UGT1A10: variants seen among roughly 807,000 people sequenced by gnomAD.
UGT1A10 encodes the protein UDP glucuronosyltransferase family 1 member A10, also known as UDP-glucuronosyltransferase 1A10.
Under a neutral mutation model 45.8 loss-of-function variants are expected in UGT1A10, and 49 were observed. The ratio of observed to expected loss-of-function variants is 1.07; its 90% CI spans 0.85 to 1.36. UGT1A10 has a LOEUF of 1.36. UGT1A10 is among the 40% of genes most tolerant of loss of function. The pLI is 0.00. For synonymous variants in UGT1A10, 284 were observed against 249.7 expected, an observed-to-expected ratio of 1.14 and a Z score of -1.29; for missense variants, 745 against 668.6, an observed-to-expected ratio of 1.11 and a Z score of -1.26.
chr2:233,758,540 T>C (rs145954073), intron 1 of UGT1A10, among the ~76,000 whole-genome samples: 1 of 152,348 alleles, frequency 6.6e-6, no homozygotes, highest in Non-Finnish European at 1.5e-5. Flanking sequence ...GCTATGTCTA[T>C]TCTGCTTGCC....
intron 1 of UGT1A10, chr2:233,694,016 A>T: frequency 2.2e-6 from 3 of 1,386,912 alleles, no homozygotes; most frequent in Non-Finnish European, 2.9e-6. Flanking sequence ...GCGGGAACAC[A>T]TAGGAGACCT....
intron 1 of UGT1A10, among the ~76,000 whole-genome samples, chr2:233,752,797 G>C (rs766471839): frequency 2.6e-5 from 4 of 152,148 alleles, no homozygotes; most frequent in Non-Finnish European, 5.9e-5. Flanking sequence ...TTACACTTCT[G>C]TAGAAGGAAC....
intron 1 of UGT1A10, among the ~76,000 whole-genome samples, chr2:233,746,735 T>A (rs1693464180): frequency 6.6e-6 from 1 of 151,806 alleles, no homozygotes; most frequent in African/African-American, 2.4e-5. Context: ...GGATTCTGCT[T>A]TGGTTCCAAA....
At chr2:233,771,209 T>A (rs1015017621) in intron 4 of UGT1A10, 1 of 152,162 alleles carries the variant, frequency 6.6e-6, no homozygotes. Context: ...TGGACAAATA[T>A]CCAAACTGTA....
At chr2:233,661,847 G>T (rs755232097) in intron 1 of UGT1A10, among the ~76,000 whole-genome samples, 2 of 151,554 alleles carry the variant, frequency 1.3e-5, no homozygotes, top group African/African-American at 2.4e-5. Context: ...GCGACACTTT[G>T]TATGGGTCCT....
At chr2:233,676,642 G>A (rs749352937) in intron 1 of UGT1A10, among the ~76,000 whole-genome samples, 2 of 152,110 alleles carry the variant, frequency 1.3e-5, no homozygotes, top group Non-Finnish European at 2.9e-5. Context: ...GACTCTCCTT[G>A]TTTTTAGTGA....
At chr2:233,681,117 T>C (rs2074510022) in intron 1 of UGT1A10, among the ~76,000 whole-genome samples, 1 of 151,754 alleles carries the variant, frequency 6.6e-6, no homozygotes, top group Admixed American at 6.6e-5. Flanking sequence ...AGCTGTGTAT[T>C]GCAGAGACAC....
intron 1 of UGT1A10, among the ~76,000 whole-genome samples, chr2:233,669,117 C>A (rs879684221): frequency 5.9e-5 from 9 of 152,168 alleles, no homozygotes; most frequent in Non-Finnish European, 1.3e-4. Flanking sequence ...CACAGAATTG[C>A]CTGTGCACCT....
At position 233,719,647 on chromosome 2, in the gene UGT1A10, T is replaced by C. The variant is rs201461954; in HGVS notation, c.856-47387T>C. 6.3e-5 allele frequency: 101 copies of C among 1,614,092 alleles called. No homozygotes were observed. Among genetic ancestry groups the C allele is most frequent in the East Asian group, 2.9e-4 (13 of 44,880 alleles). On this transcript the variant is annotated intron_variant, in intron 1 of 4. Coordinates refer to ENST00000344644, the MANE Select transcript of UGT1A10 (RefSeq NM_019075.4). ...CCGATCATGCCCAACATGGTCTTCATTGGGGGCATCAACTGTGCCAACGGG... is the reference window on the plus strand; with the variant it reads ...CCGATCATGCCCAACATGGTCTTCACTGGGGGCATCAACTGTGCCAACGGG...
Position 233,669,041 on chromosome 2 carries a change from C to T in UGT1A10, c.855+31664C>T, listed in dbSNP as rs147575119. On this transcript the variant is annotated intron_variant, in intron 1 of 4. Transcript: ENST00000344644. The stretch of plus-strand genomic sequence containing the variant: ...TTATAGGTTTTTAGGAGGAAGACCA[C>T]AAGGTAATGTGTTTTCCCGCTTTCT... Among the ~76,000 whole-genome samples, 109 of 152,314 alleles carry T rather than the reference C, an allele frequency of 7.2e-4. 1 individual carries two copies. Among genetic ancestry groups the T allele is most frequent in the Admixed American group, 5.2e-3 (79 of 15,294 alleles).
At chr2:233,672,059 G>C in intron 1 of UGT1A10, 1 of 1,614,170 alleles carries the variant, frequency 6.2e-7, no homozygotes, top group Non-Finnish European at 8.5e-7. Context: ...TTCACCATGA[G>C]GTCGGTGGTG....
chr2:233,638,074 T>A lies in UGT1A10; in HGVS notation c.855+697T>A, dbSNP rs1226645191. Reference sequence around the variant, plus strand: ...ATATATTTCTATATTCTTGCTTTTATCTTAGTAGACTAGAGTCCTACACGT... The same window carrying A: ...ATATATTTCTATATTCTTGCTTTTAACTTAGTAGACTAGAGTCCTACACGT... On this transcript the variant is annotated intron_variant, in intron 1 of 4. Coordinates refer to ENST00000344644, the MANE Select transcript of UGT1A10 (RefSeq NM_019075.4). 3.9e-5 allele frequency among the ~76,000 whole-genome samples: 6 copies of A among 152,318 alleles called. No individual in the cohort carries two copies. The South Asian group carries it at 1.0e-3, about 26-fold the overall frequency.
intron 1 of UGT1A10, among the ~76,000 whole-genome samples, chr2:233,741,259 T>C (rs551312228): frequency 6.6e-6 from 1 of 151,984 alleles, no homozygotes; most frequent in South Asian, 2.1e-4. Flanking sequence ...TGCCACTCTT[T>C]GCTGACCACT....
intron 1 of UGT1A10, chr2:233,713,255 A>G (rs1242833896): frequency 6.2e-7 from 1 of 1,614,152 alleles, no homozygotes; most frequent in Admixed American, 1.7e-5. Flanking sequence ...CCCAGGACGA[A>G]TTTGATCGCC....
intron 1 of UGT1A10, chr2:233,743,631 G>A: frequency 7.3e-7 from 1 of 1,367,310 alleles, no homozygotes; most frequent in South Asian, 1.1e-5. Flanking sequence ...ACGTCGGCTG[G>A]GTCGCGGAAG....
At chr2:233,754,325 C>T (rs537557157) in intron 1 of UGT1A10, 54 of 246,030 alleles carry the variant, frequency 2.2e-4, no homozygotes, top group African/African-American at 1.1e-3. Flanking sequence ...CTGCCTCAGG[C>T]TTAAGTTTAA....
At chr2:233,743,389 C>G (rs1429272187) in intron 1 of UGT1A10, 2 of 1,242,542 alleles carry the variant, frequency 1.6e-6, no homozygotes, top group Non-Finnish European at 2.1e-6. Context: ...GTAGGACATG[C>G]AGAAGGAAGA....
intron 1 of UGT1A10, chr2:233,754,837 T>G (rs1695606156): frequency 1.5e-6 from 2 of 1,344,356 alleles, no homozygotes; most frequent in South Asian, 2.3e-5. Flanking sequence ...GGAAATTCAC[T>G]GAAGGCAGAG....
At chr2:233,756,223 T>G (rs1194154122) in intron 1 of UGT1A10, 1 of 152,204 alleles carries the variant, frequency 6.6e-6, no homozygotes, top group Non-Finnish European at 1.5e-5. Context: ...AAGGGATTAG[T>G]TTAGGACAAC....
Sources: allele counts gnomAD v4.1 joint callset (sites outside exome capture counted in the v4.1 genomes callset), GRCh38; gene constraint gnomAD v4.1.1; transcripts MANE v1.5; gene names NCBI Gene and HGNC (gene_info 2026-07-23, HGNC 2026-07-21).